Variants in PLCB1 observed in about 807,000 individuals in gnomAD.
PLCB1 encodes 1-phosphatidylinositol 4,5-bisphosphate phosphodiesterase beta-1.
A neutral mutation model predicts 161.8 loss-of-function variants in PLCB1; 46 were observed. The observed-to-expected ratio is 0.28, with a 90% CI of 0.22 to 0.36. PLCB1 has a LOEUF of 0.36. Ranked by LOEUF, PLCB1 falls within the 10% of genes least tolerant of loss-of-function variation. PLCB1 has a pLI of 1.00. For missense variants in PLCB1, 1,016 were observed against 1,472.5 expected, an observed-to-expected ratio of 0.69 and a Z score of 5.07; for synonymous variants, 517 against 503.7, an observed-to-expected ratio of 1.03 and a Z score of -0.35.
intron 3 of PLCB1, among the ~76,000 whole-genome samples, chr20:8,491,435 A>G (rs896676412): frequency 2.0e-5 from 3 of 152,006 alleles, no homozygotes; most frequent in Non-Finnish European, 2.9e-5. Context: ...CCCCTCTTTC[A>G]AGGACTCTAA....
intron 3 of PLCB1, among the ~76,000 whole-genome samples, chr20:8,444,565 G>C (rs923896635): frequency 8.5e-5 from 13 of 152,314 alleles, no homozygotes; most frequent in Non-Finnish European, 1.6e-4. Context: ...TATATACCCA[G>C]TAATGGGATG....
chr20:8,342,757 CAAAG>C, intron 2 of PLCB1, among the ~76,000 whole-genome samples: 1 of 152,216 alleles, frequency 6.6e-6, no homozygotes. Flanking sequence ...TATTACTTCC[CAAAG>C]AAAGAGACAA....
At chr20:8,324,040 T>C (rs967319233) in intron 2 of PLCB1, among the ~76,000 whole-genome samples, 4 of 152,236 alleles carry the variant, frequency 2.6e-5, no homozygotes, top group African/African-American at 9.6e-5. Context: ...GAAAAACATA[T>C]GTACTATTGC....
intron 2 of PLCB1, among the ~76,000 whole-genome samples, chr20:8,303,603 A>G (rs939515781): frequency 8.5e-5 from 13 of 152,202 alleles, no homozygotes; most frequent in African/African-American, 3.1e-4. Flanking sequence ...ATCTCTAAAC[A>G]GTGAAAATAC....
At chr20:8,738,304 A>G (rs1323648568) in intron 20 of PLCB1, among the ~76,000 whole-genome samples, 1 of 152,214 alleles carries the variant, frequency 6.6e-6, no homozygotes, top group Non-Finnish European at 1.5e-5. Context: ...TCCCACCAAC[A>G]GTGTAAAAGT....
intron 4 of PLCB1, among the ~76,000 whole-genome samples, chr20:8,640,932 C>T (rs1457523018): frequency 6.6e-6 from 1 of 152,056 alleles, no homozygotes; most frequent in African/African-American, 2.4e-5. Flanking sequence ...TTAAACTTTT[C>T]CCATTTGGCA....
chr20:8,149,421 C>T (rs575632073), intron 1 of PLCB1, among the ~76,000 whole-genome samples: 47 of 152,198 alleles, frequency 3.1e-4, no homozygotes, highest in Middle Eastern at 6.8e-3. Context: ...AGAAAAAAGT[C>T]CCAAATGCCA....
intron 26 of PLCB1, among the ~76,000 whole-genome samples, chr20:8,768,364 G>A (rs746492864): frequency 6.6e-5 from 10 of 151,904 alleles, no homozygotes; most frequent in Non-Finnish European, 1.3e-4. Context: ...TTCTCCCTGC[G>A]TAGGTGTGTC....
chr20:8,195,954 C>T (rs1330664090), intron 2 of PLCB1, among the ~76,000 whole-genome samples: 6 of 152,024 alleles, frequency 3.9e-5, no homozygotes, highest in Non-Finnish European at 7.4e-5. Context: ...CTGGGGAGGC[C>T]TCTGGAAACT....
At chr20:8,809,853 C>G (rs1420840092) in intron 31 of PLCB1, among the ~76,000 whole-genome samples, 1 of 152,090 alleles carries the variant, frequency 6.6e-6, no homozygotes, top group Non-Finnish European at 1.5e-5. Flanking sequence ...TCCCCTAAAA[C>G]TTACACCTAG....
At chr20:8,242,385 G>T (rs920103674) in intron 2 of PLCB1, among the ~76,000 whole-genome samples, 2 of 151,876 alleles carry the variant, frequency 1.3e-5, no homozygotes, top group Non-Finnish European at 2.9e-5. Context: ...TTATATCATG[G>T]CACAAGCAGC....
chr20:8,737,710 C>T (rs1207465134), intron 20 of PLCB1, among the ~76,000 whole-genome samples: 1 of 152,154 alleles, frequency 6.6e-6, no homozygotes, highest in Non-Finnish European at 1.5e-5. Context: ...AATCTTCACA[C>T]ATGCTTATCA....
intron 31 of PLCB1, among the ~76,000 whole-genome samples, chr20:8,801,211 T>A (rs550466848): frequency 1.3e-5 from 2 of 152,158 alleles, no homozygotes; most frequent in Non-Finnish European, 2.9e-5. Context: ...CCTTGAGCCA[T>A]TGTTTCCTCA....
chr20:8,757,709 C>A (rs1600302598), intron 24 of PLCB1, among the ~76,000 whole-genome samples: 1 of 152,132 alleles, frequency 6.6e-6, no homozygotes, highest in East Asian at 1.9e-4. Context: ...AATAAGCTGC[C>A]ATTTTCAGGT....
At position 8,765,343 on chromosome 20, in the gene PLCB1, A is replaced by T. The variant is rs764754750; in HGVS notation, c.2915A>T (p.Lys972Met). Residue 972 changes from lysine to methionine, a missense_variant, in exon 26 of 32, where the codon AAG becomes ATG. By Grantham distance (95) the Lys-to-Met change is moderately conservative. Transcript: ENST00000338037. ...RRAALEKSAK[K>M]DSKKKSEPSS... ...GCCGCTTTGGAAAAGTCCGCCAAAA[A>T]GGACAGTAAGAAAAAGTAAGTTCAA... is the stretch of plus-strand genomic sequence containing the variant. 3.1e-6 allele frequency: 5 copies of T among 1,609,032 alleles called. No homozygotes were observed. In the East Asian group the frequency reaches 1.1e-4, roughly 36 times the overall value.
chr20:8,357,581 C>G (rs1285471034), intron 2 of PLCB1, among the ~76,000 whole-genome samples: 1 of 151,734 alleles, frequency 6.6e-6, no homozygotes, highest in East Asian at 1.9e-4. Context: ...TCTGGGGGGG[C>G]CGAGCGAGGA....
In PLCB1 at chr20:8,765,141, G is replaced by A; in HGVS notation, c.2713G>A (p.Val905Met). The stretch of plus-strand genomic sequence containing the variant: ...GCTTTCATATTCATTTGTTGCAGAA[G>A]TGGAAGCACAGACCATCGAAGAACT... ...EDLIQSVLTEVEAQTIEELKQ... is the reference protein window; with the variant it reads ...EDLIQSVLTEMEAQTIEELKQ... Residue 905 changes from valine to methionine, a missense_variant and splice_region_variant, in exon 26 of 32, where the codon GTG (valine) becomes ATG (methionine). Physicochemically the swap from Val to Met is conservative, Grantham distance 21. Coordinates refer to ENST00000338037, the MANE Select transcript of PLCB1 (RefSeq NM_015192.4). 1 of 1,611,176 alleles carries A rather than the reference G, an allele frequency of 6.2e-7. No individual in the cohort carries two copies. Among genetic ancestry groups the A allele is most frequent in the Non-Finnish European group, 8.5e-7 (1 of 1,179,004 alleles).
intron 24 of PLCB1, among the ~76,000 whole-genome samples, chr20:8,759,896 A>ATTTTTTTTTTTTTTTTTT (rs3033840): frequency 1.3e-5 from 1 of 78,260 alleles, no homozygotes; most frequent in African/African-American, 5.1e-5. Flanking sequence ...ATAATATCAC[A>ATTTTTTTTTTTTTTTTTT]TTTTTTTTTT....
chr20:8,144,865 C>A (rs897978990), intron 1 of PLCB1, among the ~76,000 whole-genome samples: 1 of 152,128 alleles, frequency 6.6e-6, no homozygotes, highest in African/African-American at 2.4e-5. Context: ...TTAGTTTAGA[C>A]GTGCATGCCT....
Sources: allele counts gnomAD v4.1 joint callset (sites outside exome capture counted in the v4.1 genomes callset), GRCh38; gene constraint gnomAD v4.1.1; transcripts MANE v1.5; gene names NCBI Gene and HGNC (gene_info 2026-07-23, HGNC 2026-07-21).